MYT1L: variants seen among roughly 807,000 people sequenced by gnomAD.
The protein encoded by MYT1L is myelin transcription factor 1 like.
Under a neutral mutation model 126.7 loss-of-function variants are expected in MYT1L, and 12 were observed. The observed-to-expected ratio is 0.09, with a 90% confidence interval of 0.06 to 0.15. MYT1L has a LOEUF of 0.15. Among genes scored for constraint, MYT1L ranks in the 10% least tolerant of loss-of-function variants. MYT1L has a pLI of 1.00. For synonymous variants in MYT1L, 541 were observed against 604.2 expected (o/e 0.90, Z 1.53); for missense variants, 979 against 1,585.2 (o/e 0.62, Z 6.49).
At chr2:1,812,988 A>G (rs1339607649) in intron 21 of MYT1L, among the ~76,000 whole-genome samples, 1 of 151,788 alleles carries the variant, frequency 6.6e-6, no homozygotes. Context: ...TGACTGTAGG[A>G]CAAGGGTGAC....
intron 2 of MYT1L, among the ~76,000 whole-genome samples, chr2:2,268,039 C>A (rs1452917277): frequency 1.3e-5 from 2 of 152,118 alleles, no homozygotes; most frequent in Non-Finnish European, 2.9e-5. Flanking sequence ...GGGGGGATAG[C>A]AGATGGGAAT....
At chr2:2,194,519 G>A (rs1472118398) in intron 2 of MYT1L, among the ~76,000 whole-genome samples, 2 of 152,138 alleles carry the variant, frequency 1.3e-5, no homozygotes, top group African/African-American at 4.8e-5. Context: ...TTCCTCTGCT[G>A]GGACCACCTT....
chr2:2,162,454 C>G (rs369647117), intron 3 of MYT1L, among the ~76,000 whole-genome samples: 25 of 152,284 alleles, frequency 1.6e-4, no homozygotes, highest in Admixed American at 3.9e-4. Flanking sequence ...TGAGCCCTTG[C>G]TGACTCACCC....
chr2:1,900,216 C>T (rs2050146955), intron 14 of MYT1L, among the ~76,000 whole-genome samples: 1 of 152,134 alleles, frequency 6.6e-6, no homozygotes, highest in Non-Finnish European at 1.5e-5. Context: ...CTACCTGGTC[C>T]CCAGGAGTGG....
At chr2:2,319,014 AT>A (rs2096116442) in intron 1 of MYT1L, among the ~76,000 whole-genome samples, 1 of 152,218 alleles carries the variant, frequency 6.6e-6, no homozygotes, top group African/African-American at 2.4e-5. Context: ...GCAAATAGTC[AT>A]TGGAATTGTC....
At chr2:2,317,711 A>G (rs1159382910) in intron 1 of MYT1L, among the ~76,000 whole-genome samples, 1 of 152,250 alleles carries the variant, frequency 6.6e-6, no homozygotes, top group African/African-American at 2.4e-5. Context: ...CATTTTTAAT[A>G]TTTTGGAGAG....
chr2:1,915,778 C>T (rs190519869), intron 11 of MYT1L, among the ~76,000 whole-genome samples: 1 of 152,228 alleles, frequency 6.6e-6, no homozygotes, highest in East Asian at 1.9e-4. Flanking sequence ...TAAGTTAGTA[C>T]CTGCTCAGAT....
intron 8 of MYT1L, among the ~76,000 whole-genome samples, chr2:1,957,599 TTATC>T (rs113803976): frequency 0.089 from 13,578 of 151,958 alleles, 1,044 homozygotes; most frequent in African/African-American, 0.21. Flanking sequence ...TATCTATCTA[TTATC>T]TATCTATCTA....
intron 21 of MYT1L, among the ~76,000 whole-genome samples, chr2:1,824,031 T>C (rs1418842799): frequency 6.6e-6 from 1 of 152,020 alleles, no homozygotes; most frequent in African/African-American, 2.4e-5. Flanking sequence ...GCAGAGGTGA[T>C]GTGGGATGCT....
intron 8 of MYT1L, among the ~76,000 whole-genome samples, chr2:1,945,807 C>T (rs1214529347): frequency 6.6e-6 from 1 of 152,194 alleles, no homozygotes; most frequent in African/African-American, 2.4e-5. Flanking sequence ...AATTATCCAA[C>T]AAACATGTCG....
intron 3 of MYT1L, among the ~76,000 whole-genome samples, chr2:2,137,054 CAG>C (rs1376405284): frequency 6.6e-6 from 1 of 151,942 alleles, no homozygotes; most frequent in Non-Finnish European, 1.5e-5. Flanking sequence ...AACAGACAAA[CAG>C]AGAGCCAAAT....
chr2:2,230,022 A>C (rs144313846), intron 2 of MYT1L, among the ~76,000 whole-genome samples: 297 of 152,362 alleles, frequency 1.9e-3, no homozygotes, highest in African/African-American at 6.9e-3. Context: ...CTCGCCTAAC[A>C]TAGATTTGAC....
chr2:2,167,268 A>G (rs566218991), intron 3 of MYT1L, among the ~76,000 whole-genome samples: 2 of 152,266 alleles, frequency 1.3e-5, no homozygotes, highest in African/African-American at 4.8e-5. Flanking sequence ...ATGTTTTCAA[A>G]GCTGTACTGT....
Position 1,809,152 on chromosome 2 carries a change from C to T in MYT1L, c.3096G>A (p.Pro1032=), listed in dbSNP as rs565637135. The change falls in exon 22 of 25, where the codon CCG becomes CCA. Residue 1032 remains proline, a synonymous_variant. Coordinates refer to ENST00000647738, the MANE Select transcript of MYT1L (RefSeq NM_001303052.2). ...CCTTCTTCATCGCTGACGTGGCTCT[C>T]GGGCATCCTGACAAGCTGTGGACAA... is the stretch of plus-strand genomic sequence containing the variant. ...FLTHRSLSGC[P]RATSAMKKAK... is the part of the protein sequence containing the mutation. 2.5e-6 allele frequency: 4 copies of T among 1,613,980 alleles called. No homozygotes were observed. Among genetic ancestry groups the T allele is most frequent in the Admixed American group, 1.7e-5 (1 of 60,018 alleles).
chr2:2,002,504 G>A (rs1574393313), intron 4 of MYT1L, among the ~76,000 whole-genome samples: 1 of 152,184 alleles, frequency 6.6e-6, no homozygotes, highest in South Asian at 2.1e-4. Context: ...CCACTGTTGT[G>A]CTCCAGGTTG....
At chr2:1,898,962 G>A (rs1558322274) in intron 14 of MYT1L, among the ~76,000 whole-genome samples, 1 of 152,218 alleles carries the variant, frequency 6.6e-6, no homozygotes, top group South Asian at 2.1e-4. Flanking sequence ...AGGAGGGCAG[G>A]GAGCAAAGAA....
At position 2,098,119 on chromosome 2, in the gene MYT1L, ACCT is replaced by A. The variant is rs1302376977; in HGVS notation, c.-303-43999_-303-43997del. Reference sequence around the variant, plus strand: ...ACCTGCAGAACCATGAGCCAATTAAACCTCCTTTCTTTATAAATTACCCAGCCT... The same window carrying A: ...ACCTGCAGAACCATGAGCCAATTAAACCTTTCTTTATAAATTACCCAGCCT... On this transcript the variant is annotated intron_variant, in intron 3 of 24. Coordinates refer to ENST00000647738, the MANE Select transcript of MYT1L (RefSeq NM_001303052.2). Among the ~76,000 whole-genome samples, 9 of 151,998 alleles carry A rather than the reference ACCT, an allele frequency of 5.9e-5. No individual in the cohort carries two copies. The East Asian group carries it at 1.5e-3, about 26-fold the overall frequency.
At chr2:2,200,909 A>G (rs1016667619) in intron 2 of MYT1L, among the ~76,000 whole-genome samples, 2 of 152,202 alleles carry the variant, frequency 1.3e-5, no homozygotes, top group Non-Finnish European at 2.9e-5. Context: ...TTCCTGAGAC[A>G]TGCAGATTAG....
chr2:2,216,572 A>G (rs2093682676), intron 2 of MYT1L, among the ~76,000 whole-genome samples: 1 of 152,240 alleles, frequency 6.6e-6, no homozygotes, highest in Non-Finnish European at 1.5e-5. Context: ...GAAAAGAACA[A>G]GTATCAATGA....
Sources: allele counts gnomAD v4.1 joint callset (sites outside exome capture counted in the v4.1 genomes callset), GRCh38; gene constraint gnomAD v4.1.1; transcripts MANE v1.5; gene names NCBI Gene and HGNC (gene_info 2026-07-23, HGNC 2026-07-21).